ATG7: variants seen among roughly 807,000 people sequenced by gnomAD.
ATG7 encodes the protein autophagy related 7.
Under a neutral mutation model 82.4 loss-of-function variants are expected in ATG7, and 70 were observed. The ratio of observed to expected loss-of-function variants is 0.85; its 90% CI spans 0.70 to 1.04. The LOEUF (loss-of-function observed/expected upper bound fraction) is 1.04. ATG7 is among the 50% of genes least tolerant of loss of function. The pLI is 0.00. For synonymous variants in ATG7, 287 were observed against 313.0 expected (o/e 0.92, Z 0.88); for missense variants, 792 against 864.3 (o/e 0.92, Z 1.05).
intron 20 of ATG7, among the ~76,000 whole-genome samples, chr3:11,440,824 C>A (rs1317073888): frequency 6.6e-6 from 1 of 151,754 alleles, no homozygotes; most frequent in Non-Finnish European, 1.5e-5. Flanking sequence ...GCTGGGATTA[C>A]AGGCATCTGC....
intron 1 of ATG7, among the ~76,000 whole-genome samples, chr3:11,275,290 C>A (rs930184509): frequency 1.8e-4 from 28 of 151,462 alleles, no homozygotes; most frequent in Middle Eastern, 3.4e-3. Context: ...CAGTTTGCCT[C>A]TGTCGTCCAC....
chr3:11,399,614 G>A (rs866349245), intron 19 of ATG7, among the ~76,000 whole-genome samples: 8 of 149,130 alleles, frequency 5.4e-5, no homozygotes, highest in Middle Eastern at 6.8e-3. Flanking sequence ...TCACTCTATC[G>A]CCCAGGCTAG....
At chr3:11,338,472 CT>C (rs1190727739) in intron 11 of ATG7, among the ~76,000 whole-genome samples, 2 of 132,332 alleles carry the variant, frequency 1.5e-5, no homozygotes, top group Admixed American at 7.6e-5. Context: ...GGTGGGAACT[CT>C]TTTTTTTCCC....
chr3:11,421,478 G>C (rs2152932795), intron 19 of ATG7, among the ~76,000 whole-genome samples: 1 of 152,304 alleles, frequency 6.6e-6, no homozygotes, highest in South Asian at 2.1e-4. Context: ...CTCCTCATCT[G>C]TTCAAGTTTG....
intron 20 of ATG7, among the ~76,000 whole-genome samples, chr3:11,540,985 C>T (rs911209792): frequency 5.3e-5 from 8 of 151,220 alleles, no homozygotes; most frequent in South Asian, 2.1e-4. Flanking sequence ...CTGCAAGCTC[C>T]GCCTCCCAGG....
chr3:11,389,437 CTT>C (rs34261811), intron 19 of ATG7, among the ~76,000 whole-genome samples: 1,559 of 118,854 alleles, frequency 0.013, 16 homozygotes, highest in Middle Eastern at 0.02. Context: ...TTTGTTAGTG[CTT>C]TTTTTTTTTT....
chr3:11,335,085 A>G (rs4684065), intron 11 of ATG7, among the ~76,000 whole-genome samples: 2 of 151,862 alleles, frequency 1.3e-5, no homozygotes, highest in African/African-American at 2.4e-5. Context: ...TCTTTACACA[A>G]TTCGCTGAAA....
chr3:11,477,151 G>A (rs774281269), intron 20 of ATG7: 2 of 1,289,780 alleles, frequency 1.6e-6, no homozygotes, highest in South Asian at 1.2e-5. Context: ...GAGATCTTCG[G>A]CTCTGGATGA....
intron 20 of ATG7, among the ~76,000 whole-genome samples, chr3:11,538,304 T>C (rs2070499595): frequency 6.6e-6 from 1 of 152,178 alleles, no homozygotes; most frequent in African/African-American, 2.4e-5. Context: ...TATCACACCA[T>C]GGACCTTCAA....
chr3:11,495,969 C>G (rs1025025843), intron 20 of ATG7, among the ~76,000 whole-genome samples: 1 of 152,188 alleles, frequency 6.6e-6, no homozygotes, highest in Non-Finnish European at 1.5e-5. Flanking sequence ...GCGCGTCACG[C>G]TAGCATTTCC....
At chr3:11,303,749 C>T (rs1204796838) in intron 5 of ATG7, among the ~76,000 whole-genome samples, 4 of 151,192 alleles carry the variant, frequency 2.6e-5, no homozygotes, top group Non-Finnish European at 5.9e-5. Context: ...GGGTTTCTTT[C>T]CCTTGAGGAA....
chr3:11,507,266 A>AGT (rs1472277468), intron 20 of ATG7, among the ~76,000 whole-genome samples: 2 of 152,220 alleles, frequency 1.3e-5, no homozygotes, highest in Non-Finnish European at 2.9e-5. Flanking sequence ...TGGGAGACAG[A>AGT]GTGAGACTCC....
intron 18 of ATG7, among the ~76,000 whole-genome samples, chr3:11,378,445 G>A (rs1229816389): frequency 6.6e-6 from 1 of 151,342 alleles, no homozygotes; most frequent in East Asian, 2.0e-4. Context: ...CACTTTGGGA[G>A]GCTGAGGCAG....
intron 19 of ATG7, among the ~76,000 whole-genome samples, chr3:11,403,589 T>C (rs929062353): frequency 2.0e-5 from 3 of 152,344 alleles, no homozygotes; most frequent in Non-Finnish European, 4.4e-5. Context: ...TTGCATTTCA[T>C]TGGGAGAAAA....
intron 20 of ATG7, among the ~76,000 whole-genome samples, chr3:11,501,589 G>A (rs2091327737): frequency 2.6e-5 from 4 of 151,474 alleles, no homozygotes; most frequent in Admixed American, 2.6e-4. Flanking sequence ...ATAGGAAAAT[G>A]GTTACATAGT....
intron 5 of ATG7, 106 bp from the exon 6 acceptor site, chr3:11,306,837 C>G (rs1171314605): frequency 1.2e-5 from 9 of 778,860 alleles, no homozygotes; most frequent in Middle Eastern, 2.4e-4. Context: ...CTTCTGTTTG[C>G]CCTGCAGAGC....
intron 10 of ATG7, 95 bp from the exon 11 acceptor site, chr3:11,332,877 C>T (rs1389439822): frequency 1.6e-6 from 2 of 1,255,080 alleles, no homozygotes; most frequent in Non-Finnish European, 2.1e-6. Context: ...ATTGAATTCT[C>T]TCCAACTGGT....
intron 20 of ATG7, among the ~76,000 whole-genome samples, chr3:11,552,331 C>A (rs1164983658): frequency 1.3e-5 from 2 of 152,126 alleles, no homozygotes; most frequent in Non-Finnish European, 2.9e-5. Flanking sequence ...CAGTGTTTTG[C>A]CATACCCTTG....
At chr3:11,465,367 T>G (rs2086724710) in intron 20 of ATG7, among the ~76,000 whole-genome samples, 1 of 149,052 alleles carries the variant, frequency 6.7e-6, no homozygotes, top group South Asian at 2.1e-4. Flanking sequence ...ATGGCGTGAA[T>G]CCAGGAGGCA....
Sources: allele counts gnomAD v4.1 joint callset (sites outside exome capture counted in the v4.1 genomes callset), GRCh38; gene constraint gnomAD v4.1.1; transcripts MANE v1.5; gene names NCBI Gene and HGNC (gene_info 2026-07-23, HGNC 2026-07-21).